The following ASTN1 variants were observed in gnomAD, a reference collection of about 807,000 sequenced individuals.
The protein encoded by ASTN1 is astrotactin-1.
ASTN1 carries 41 observed loss-of-function variants against 140.7 expected under a neutral mutation model. That is an observed-to-expected ratio of 0.29 (90% CI 0.23 to 0.38). ASTN1 has a LOEUF of 0.38. Among genes scored for constraint, ASTN1 ranks in the 10% least tolerant of loss-of-function variants. The probability of loss-of-function intolerance (pLI) is 1.00; values close to 1 mark genes in which losing one functional copy is unlikely to be tolerated. For synonymous variants in ASTN1, 640 were observed against 652.2 expected, an observed-to-expected ratio of 0.98 and a Z score of 0.29; for missense variants, 1,479 against 1,678.8, an observed-to-expected ratio of 0.88 and a Z score of 2.08.
chr1:176,980,680 G>A (rs901106930), intron 8 of ASTN1, among the ~76,000 whole-genome samples: 5 of 152,092 alleles, frequency 3.3e-5, no homozygotes, highest in Non-Finnish European at 7.4e-5. Context: ...AGTTTTGGGT[G>A]GGATGGAATG....
chr1:177,017,547 G>T (rs548327641), intron 7 of ASTN1, among the ~76,000 whole-genome samples: 2 of 152,362 alleles, frequency 1.3e-5, no homozygotes, highest in African/African-American at 4.8e-5. Context: ...CCCCACAAGG[G>T]TGTTGGATGC....
chr1:177,107,247 C>A (rs982255871), intron 1 of ASTN1, among the ~76,000 whole-genome samples: 1 of 152,144 alleles, frequency 6.6e-6, no homozygotes, highest in Non-Finnish European at 1.5e-5. Flanking sequence ...GGGTTCATAG[C>A]TCAGGTTAAG....
chr1:176,888,799 G>A (rs1459216313), intron 17 of ASTN1, among the ~76,000 whole-genome samples: 1 of 152,226 alleles, frequency 6.6e-6, no homozygotes, highest in African/African-American at 2.4e-5. Context: ...CTCTGGAGCT[G>A]TCAGCCCTGA....
chr1:177,029,539 T>C (rs1676310373), intron 5 of ASTN1, 95 bp downstream of exon 5: 9 of 1,297,594 alleles, frequency 6.9e-6, no homozygotes, highest in East Asian at 4.9e-5. Flanking sequence ...TTTTGTTCCA[T>C]AGAGCCCACA....
intron 2 of ASTN1, among the ~76,000 whole-genome samples, chr1:177,054,476 T>C (rs1295686079): frequency 1.3e-5 from 2 of 152,172 alleles, no homozygotes; most frequent in Admixed American, 1.3e-4. Context: ...CAGCCTCTGC[T>C]AAAGGAAACG....
intron 9 of ASTN1, among the ~76,000 whole-genome samples, chr1:176,961,569 A>G (rs1329196954): frequency 1.3e-5 from 2 of 152,124 alleles, no homozygotes; most frequent in Non-Finnish European, 2.9e-5. Flanking sequence ...TAACCTCTCC[A>G]AGGTCACCCT....
intron 8 of ASTN1, among the ~76,000 whole-genome samples, chr1:177,008,190 G>GT (rs1253924102): frequency 2.0e-5 from 3 of 152,068 alleles, no homozygotes; most frequent in East Asian, 1.9e-4. Context: ...GGGTTTTTTT[G>GT]TTTTTTTCCT....
rs558109202 is a variant in ASTN1, at chr1:176,980,080, A to G, written c.1524-14843T>C. Reference sequence around the variant, plus strand: ...ATCACTTGACATTTGAATAAGGGATAGAGGATGTGTAGGTATGACCATAAA... The same window carrying G: ...ATCACTTGACATTTGAATAAGGGATGGAGGATGTGTAGGTATGACCATAAA... On this transcript the variant is annotated intron_variant, in intron 8 of 22. Transcript: ENST00000361833. Among the ~76,000 whole-genome samples, 3 of 152,310 alleles carry G rather than the reference A, an allele frequency of 2.0e-5. No individual in the cohort carries two copies. The East Asian group carries it at 5.8e-4, about 29-fold the overall frequency.
intron 1 of ASTN1, among the ~76,000 whole-genome samples, chr1:177,115,082 C>T (rs940028031): frequency 3.3e-5 from 5 of 152,104 alleles, no homozygotes; most frequent in African/African-American, 1.2e-4. Flanking sequence ...GAAGGGGCAA[C>T]AGTCACGACA....
At chr1:176,945,821 C>T (rs1671932045) in intron 13 of ASTN1, 105 bp downstream of exon 13, 1 of 1,168,274 alleles carries the variant, frequency 8.6e-7, no homozygotes. Flanking sequence ...TTAGACATAT[C>T]ATATTTACCC....
At chr1:176,956,542 G>A (rs1672414016) in intron 11 of ASTN1, among the ~76,000 whole-genome samples, 1 of 152,124 alleles carries the variant, frequency 6.6e-6, no homozygotes, top group South Asian at 2.1e-4. Context: ...GAGAGATGGG[G>A]CACCATATCC....
chr1:177,120,494 C>T (rs1412420270), intron 1 of ASTN1, among the ~76,000 whole-genome samples: 1 of 152,186 alleles, frequency 6.6e-6, no homozygotes, highest in Non-Finnish European at 1.5e-5. Flanking sequence ...CTTCCACAAT[C>T]AAATTGAAAA....
chr1:176,985,859 C>CT (rs1673876843), intron 8 of ASTN1, among the ~76,000 whole-genome samples: 1 of 146,968 alleles, frequency 6.8e-6, no homozygotes, highest in African/African-American at 2.5e-5. Context: ...CACACACACA[C>CT]ACACACACAC....
intron 8 of ASTN1, among the ~76,000 whole-genome samples, chr1:176,970,731 G>GTTGTGT (rs1553235891): frequency 1.4e-5 from 2 of 147,140 alleles, no homozygotes; most frequent in African/African-American, 5.0e-5. Context: ...TGTGGGTATG[G>GTTGTGT]GTGTGTGTGT....
At chr1:176,986,561 C>A (rs1017772431) in intron 8 of ASTN1, among the ~76,000 whole-genome samples, 1 of 152,080 alleles carries the variant, frequency 6.6e-6, no homozygotes, top group African/African-American at 2.4e-5. Flanking sequence ...TTTTACTACT[C>A]TCATATTCAT....
Position 176,864,078 on chromosome 1 carries a change from G to A in ASTN1, c.*206C>T. On this transcript the variant is annotated 3_prime_UTR_variant, in exon 23 of 23. Coordinates refer to ENST00000361833, the MANE Select transcript of ASTN1 (RefSeq NM_004319.3). Reference sequence around the variant, plus strand: ...AAATATGGCACTGCATGAAGCCACTGGCTGGCAGATTTCCCAATCATGCAG... The same window carrying A: ...AAATATGGCACTGCATGAAGCCACTAGCTGGCAGATTTCCCAATCATGCAG... 7.1e-7 allele frequency: 1 copy of A among 1,399,858 alleles called. No homozygotes were observed. Among genetic ancestry groups the A allele is most frequent in the South Asian group, 1.6e-5 (1 of 62,116 alleles). 86.7% of individuals were successfully genotyped at this position (1,399,858 alleles called of 1,614,324 possible).
At chr1:176,860,327 T>C (rs1260396494), downstream of ASTN1, among the ~76,000 whole-genome samples, 2 of 152,232 alleles carry the variant, frequency 1.3e-5, no homozygotes, top group Non-Finnish European at 2.9e-5. Flanking sequence ...CATCATCTTC[T>C]TTTAATTGCC....
chr1:176,909,083 A>C (rs1056465389), intron 16 of ASTN1, among the ~76,000 whole-genome samples: 10 of 152,114 alleles, frequency 6.6e-5, no homozygotes, highest in Non-Finnish European at 1.3e-4. Context: ...GCCCCCCAAA[A>C]TGTGGCTGAA....
rs555210932 is a variant in ASTN1 at position 176,865,335 on chromosome 1, C to T, written c.3648-814G>A. On this transcript the variant is annotated intron_variant, in intron 22 of 22. Transcript: ENST00000361833. The stretch of plus-strand genomic sequence containing the variant: ...AACCCCCTGGGCCAGAGTGTGAGAG[C>T]CTCTGGCATCCAGCTTGGGGGAAAG... Among the ~76,000 whole-genome samples the T allele has an allele frequency of 3.9e-5, 6 of 152,284 alleles. No individual in the cohort carries two copies. The South Asian group carries it at 6.2e-4, about 16-fold the overall frequency.
Sources: allele counts gnomAD v4.1 joint callset (sites outside exome capture counted in the v4.1 genomes callset), GRCh38; gene constraint gnomAD v4.1.1; transcripts MANE v1.5; gene names NCBI Gene and HGNC (gene_info 2026-07-23, HGNC 2026-07-21).